The following SNAP91 variants were observed in gnomAD, a reference collection of about 807,000 sequenced individuals.
SNAP91 encodes the protein clathrin coat assembly protein AP180.
In SNAP91, 27 loss-of-function variants were observed where a neutral mutation model predicts 100.3. The observed-to-expected ratio is 0.27, with a 90% CI of 0.20 to 0.37. The LOEUF is 0.37. Among genes scored for constraint, SNAP91 ranks in the 10% least tolerant of loss-of-function variants. The pLI is 1.00. For missense variants in SNAP91, 986 were observed against 1,123.7 expected, an observed-to-expected ratio of 0.88 and a Z score of 1.75; for synonymous variants, 404 against 398.6, an observed-to-expected ratio of 1.01 and a Z score of -0.16.
intron 8 of SNAP91, among the ~76,000 whole-genome samples, chr6:83,635,079 T>C (rs1487023936): frequency 1.3e-5 from 2 of 152,190 alleles, no homozygotes; most frequent in Admixed American, 6.5e-5. Flanking sequence ...TCTTAGAGTA[T>C]GTACCCTGTA....
chr6:83,673,348 A>T (rs1240217638), intron 2 of SNAP91, among the ~76,000 whole-genome samples: 4 of 152,110 alleles, frequency 2.6e-5, no homozygotes, highest in Non-Finnish European at 5.9e-5. Flanking sequence ...CAGAGAGCAT[A>T]CTAGTTCTTT....
chr6:83,665,002 C>T, intron 3 of SNAP91, among the ~76,000 whole-genome samples: 1 of 152,074 alleles, frequency 6.6e-6, no homozygotes, highest in East Asian at 1.9e-4. Flanking sequence ...CTCAGATGAT[C>T]ATTTGATAAT....
intron 25 of SNAP91, chr6:83,575,717 G>A (rs1817569877): frequency 3.4e-6 from 1 of 295,364 alleles, no homozygotes; most frequent in Non-Finnish European, 6.1e-6. Context: ...CTAGAACTAT[G>A]GTAATGAATC....
At chr6:83,671,059 G>A (rs1017828959) in intron 2 of SNAP91, among the ~76,000 whole-genome samples, 3 of 151,840 alleles carry the variant, frequency 2.0e-5, no homozygotes, top group African/African-American at 7.2e-5. Context: ...AAGTCTTCTG[G>A]GATTTTGAAT....
intron 22 of SNAP91, among the ~76,000 whole-genome samples, chr6:83,586,319 A>G (rs1220593607): frequency 6.6e-6 from 1 of 152,186 alleles, no homozygotes; most frequent in African/African-American, 2.4e-5. Flanking sequence ...ATTTTAAGCA[A>G]TTAATGTGGT....
At chr6:83,616,798 C>T (rs754366175) in intron 10 of SNAP91, among the ~76,000 whole-genome samples, 171 bp downstream of exon 10, 1 of 152,080 alleles carries the variant, frequency 6.6e-6, no homozygotes, top group Non-Finnish European at 1.5e-5. Context: ...ATTGTCTATA[C>T]CCACTGTCAT....
intron 26 of SNAP91, among the ~76,000 whole-genome samples, chr6:83,569,787 G>T (rs1803309008): frequency 6.6e-6 from 1 of 152,118 alleles, no homozygotes. Flanking sequence ...TTATAAGGGG[G>T]AGTTTCCCCA....
intron 2 of SNAP91, among the ~76,000 whole-genome samples, chr6:83,701,709 A>G (rs949075417): frequency 3.3e-5 from 5 of 152,156 alleles, no homozygotes; most frequent in Non-Finnish European, 7.4e-5. Context: ...TGGACTCCCA[A>G]AGTGCTGGGA....
At chr6:83,560,666 G>A (rs1785818386) in intron 27 of SNAP91, among the ~76,000 whole-genome samples, 198 bp downstream of exon 27, 1 of 152,130 alleles carries the variant, frequency 6.6e-6, no homozygotes, top group African/African-American at 2.4e-5. Context: ...TAATTTGATG[G>A]TAGAACATAA....
intron 8 of SNAP91, among the ~76,000 whole-genome samples, chr6:83,632,251 C>A (rs2097239010): frequency 6.6e-6 from 1 of 151,908 alleles, no homozygotes; most frequent in South Asian, 2.1e-4. Context: ...ATAGTTATAC[C>A]TTTAAAGGTA....
rs748884681 is a variant in SNAP91, at chr6:83,607,758, A to C, written c.963T>G (p.Thr321=). 4 of 1,596,502 alleles carry C rather than the reference A, an allele frequency of 2.5e-6. No individual in the cohort carries two copies. The highest frequency in any genetic ancestry group is 3.4e-6 in the Non-Finnish European group (4 of 1,171,300). ...VTSPNSTPAK[T]IDTSPPVDLF... is the part of the protein sequence containing the mutation. ...AATCAACCGGTGGGGATGTGTCAAT[A>C]GTTTTAGCTGGTGTAGAATTAGGAG... The change falls in exon 13 of 30, where the codon ACT becomes ACG. Residue 321 remains threonine (T), a synonymous_variant. Transcript: ENST00000369694.
At chr6:83,686,237 G>A (rs923734964) in intron 2 of SNAP91, 13 of 969,240 alleles carry the variant, frequency 1.3e-5, no homozygotes, top group East Asian at 1.1e-4. Context: ...CAAAACATAC[G>A]AAATTAGATG....
intron 16 of SNAP91, among the ~76,000 whole-genome samples, chr6:83,598,152 A>T (rs1002501533): frequency 8.5e-5 from 13 of 152,182 alleles, no homozygotes; most frequent in Non-Finnish European, 1.3e-4. Context: ...TAAAATTTGC[A>T]TCAGTATAAA....
intron 2 of SNAP91, among the ~76,000 whole-genome samples, chr6:83,687,265 C>T (rs1440661129): frequency 1.1e-4 from 16 of 152,112 alleles, no homozygotes; most frequent in South Asian, 2.1e-4. Flanking sequence ...TTACCTAATA[C>T]GGCGAAAATG....
intron 22 of SNAP91, 59 bp downstream of exon 22, chr6:83,591,152 T>A: frequency 9.2e-7 from 1 of 1,089,366 alleles, no homozygotes; most frequent in Non-Finnish European, 1.4e-6. Flanking sequence ...TTTATAATTG[T>A]TACTTATAAA....
At chr6:83,654,922 A>T (rs546830654) in intron 7 of SNAP91, among the ~76,000 whole-genome samples, 1 of 152,276 alleles carries the variant, frequency 6.6e-6, no homozygotes, top group East Asian at 1.9e-4. Context: ...ATAAACAGAA[A>T]CCATCAGAAG....
rs939202407 is a variant in SNAP91, at chr6:83,580,316, C to T, written c.2299+134G>A. ...GGGTAAAGCACTAAGTATTTCTATT[C>T]CCTCCCTGCCATACTCACCCATAAG... On this transcript the variant is annotated intron_variant, in intron 24 of 29. Coordinates refer to ENST00000369694, the MANE Select transcript of SNAP91 (RefSeq NM_001242792.2). The T allele has an allele frequency of 6.9e-6, 6 of 863,772 alleles. No individual in the cohort carries two copies. The East Asian group carries it at 1.6e-4, about 23-fold the overall frequency. 53.5% of individuals were successfully genotyped at this position (863,772 alleles called of 1,614,324 possible).
chr6:83,700,125 A>C (rs1170965014), intron 2 of SNAP91, among the ~76,000 whole-genome samples: 1 of 152,218 alleles, frequency 6.6e-6, no homozygotes, highest in Non-Finnish European at 1.5e-5. Flanking sequence ...GAAGTAGGTG[A>C]TTGAAGTTAA....
chr6:83,689,101 A>G (rs914017895), intron 2 of SNAP91, among the ~76,000 whole-genome samples: 18 of 152,168 alleles, frequency 1.2e-4, no homozygotes, highest in Non-Finnish European at 2.1e-4. Context: ...GCCACCCATC[A>G]TGGCTCAGAG....
Sources: gnomAD v4.1 joint callset for allele counts (sites outside exome capture counted in the v4.1 genomes callset) on GRCh38, gnomAD v4.1.1 for gene constraint, MANE v1.5 for transcripts, NCBI Gene and HGNC (gene_info 2026-07-23, HGNC 2026-07-21) for gene names.